Variants in R3HDM1 observed in about 807,000 individuals in gnomAD.
The protein encoded by R3HDM1 is R3H domain containing 1.
R3HDM1 carries 46 observed loss-of-function variants against 141.1 expected under a neutral mutation model. The observed-to-expected ratio is 0.33, with a 90% CI of 0.26 to 0.42. The LOEUF is 0.42. Ranked by LOEUF, R3HDM1 falls within the 10% of genes least tolerant of loss-of-function variation. R3HDM1 has a pLI of 1.00. For missense variants in R3HDM1, 1,184 were observed against 1,368.3 expected (o/e 0.87, Z 2.12); for synonymous variants, 435 against 472.9 (o/e 0.92, Z 1.04).
intron 21 of R3HDM1, among the ~76,000 whole-genome samples, chr2:135,708,446 A>G (rs1473335623): frequency 4.6e-5 from 7 of 152,220 alleles, no homozygotes; most frequent in Non-Finnish European, 1.0e-4. Context: ...TACGAGACAC[A>G]GGTGCAAAAA....
chr2:135,544,834 C>T (rs2104907289), intron 1 of R3HDM1, among the ~76,000 whole-genome samples: 1 of 152,144 alleles, frequency 6.6e-6, no homozygotes, highest in Middle Eastern at 3.4e-3. Context: ...CATGGTGGTG[C>T]ACTCCTGTTA....
intron 1 of R3HDM1, chr2:135,536,838 G>A: frequency 2.1e-6 from 1 of 476,780 alleles, no homozygotes; most frequent in Non-Finnish European, 2.7e-6. Context: ...CAGATCAGCG[G>A]TGGCATTAGA....
chr2:135,598,790 G>A (rs549044099), intron 1 of R3HDM1, among the ~76,000 whole-genome samples: 1 of 152,238 alleles, frequency 6.6e-6, no homozygotes, highest in South Asian at 2.1e-4. Flanking sequence ...GATGGTAGTT[G>A]TTTGTATTCT....
chr2:135,692,321 C>T (rs1488549109), intron 21 of R3HDM1, among the ~76,000 whole-genome samples: 4 of 152,182 alleles, frequency 2.6e-5, no homozygotes, highest in Admixed American at 6.5e-5. Flanking sequence ...TATGCTTGGC[C>T]GGGCACAGTG....
intron 21 of R3HDM1, among the ~76,000 whole-genome samples, chr2:135,699,229 A>G (rs554586368): frequency 1.2e-4 from 18 of 152,336 alleles, no homozygotes; most frequent in African/African-American, 4.1e-4. Flanking sequence ...AAATAGAGAC[A>G]GCCTTTGAAG....
At chr2:135,540,852 TAA>T (rs1389564488) in intron 1 of R3HDM1, among the ~76,000 whole-genome samples, 1 of 152,222 alleles carries the variant, frequency 6.6e-6, no homozygotes, top group Non-Finnish European at 1.5e-5. Flanking sequence ...ATATGAGACT[TAA>T]AAATAGAAAT....
chr2:135,690,872 T>C (rs1428523866), intron 21 of R3HDM1, among the ~76,000 whole-genome samples: 2 of 152,134 alleles, frequency 1.3e-5, no homozygotes, highest in African/African-American at 4.8e-5. Context: ...CTCACCAAAA[T>C]GAGTGATAAT....
In R3HDM1 at chr2:135,669,999, T is replaced by C. The variant is rs565818352; in HGVS notation, c.2153-5333T>C. Among the ~76,000 whole-genome samples, 3 of 151,908 alleles carry C rather than the reference T, an allele frequency of 2.0e-5. No homozygotes were observed. In the South Asian group the frequency reaches 6.2e-4, roughly 32 times the overall value. On this transcript the variant is annotated intron_variant, in intron 19 of 26. Transcript: ENST00000683871. ...ATTAAATATACAAATATTAGCTGGG[T>C]ATGCTGGCACGCACCTGTAATCCCA...
rs374940191 is a variant in R3HDM1, at chr2:135,724,105, C to A, written c.3218C>A (p.Thr1073Asn). ...HPLCCGSGDN[T>N]ANPERSKPSD... is the part of the protein sequence containing the mutation. ...CTCTGCTGTGGCAGTGGGGACAACA[C>A]TGCCAACCCTGAACGCTCTAAACCC... Residue 1073 changes from threonine (T) to asparagine (N), a missense_variant, in exon 27 of 27, where the codon ACT (threonine) becomes AAT (asparagine). By Grantham distance (65) the Thr-to-Asn change is moderately conservative. Transcript: ENST00000683871. The A allele has an allele frequency of 6.2e-7, 1 of 1,614,092 alleles. No individual in the cohort carries two copies. Among genetic ancestry groups the A allele is most frequent in the Non-Finnish European group, 8.5e-7 (1 of 1,180,046 alleles).
At chr2:135,698,189 T>G (rs951849405) in intron 21 of R3HDM1, among the ~76,000 whole-genome samples, 1 of 148,750 alleles carries the variant, frequency 6.7e-6, no homozygotes, top group African/African-American at 2.5e-5. Flanking sequence ...AGACGGAGTC[T>G]CACTCTGTCA....
chr2:135,679,953 G>A (rs1345706963), intron 20 of R3HDM1, among the ~76,000 whole-genome samples: 6 of 152,110 alleles, frequency 3.9e-5, no homozygotes, highest in African/African-American at 1.4e-4. Context: ...GGTAGCGCAT[G>A]CCTGTAGTCC....
In R3HDM1 at chr2:135,651,816, C is replaced by G; in HGVS notation, c.1812C>G (p.Phe604Leu). The change falls in exon 18 of 27, where the codon TTC becomes TTG. Residue 604 changes from phenylalanine (F) to leucine (L), a missense_variant. Coordinates refer to ENST00000683871, the MANE Select transcript of R3HDM1 (RefSeq NM_001378107.1). ...ADGSDPHAAM[F>L]QSTVVLQSPQ... The stretch of plus-strand genomic sequence containing the variant: ...GTTCTGACCCTCATGCCGCCATGTT[C>G]CAGTCCACTGTGGTTCTTCAGTCTC... 6.2e-7 allele frequency: 1 copy of G among 1,614,118 alleles called. No individual in the cohort carries two copies. The highest frequency in any genetic ancestry group is 8.5e-7 in the Non-Finnish European group (1 of 1,180,008).
At chr2:135,610,036 C>G (rs550204045) in intron 3 of R3HDM1, among the ~76,000 whole-genome samples, 118 of 151,394 alleles carry the variant, frequency 7.8e-4, no homozygotes, top group African/African-American at 2.5e-3. Context: ...AGAGTGAGAC[C>G]CTGTCTTAAA....
chr2:135,652,961 C>T (rs868665673), intron 18 of R3HDM1, among the ~76,000 whole-genome samples: 3 of 151,570 alleles, frequency 2.0e-5, no homozygotes, highest in Admixed American at 6.6e-5. Flanking sequence ...TTAGTGGTAT[C>T]CCCTTTTTAT....
intron 1 of R3HDM1, among the ~76,000 whole-genome samples, chr2:135,558,000 C>T (rs1196706113): frequency 6.6e-6 from 1 of 152,034 alleles, no homozygotes; most frequent in Non-Finnish European, 1.5e-5. Context: ...TAGAGAAGTA[C>T]GTATTTTAAG....
At chr2:135,581,370 C>A (rs1205447753) in intron 1 of R3HDM1, 1 of 984,836 alleles carries the variant, frequency 1.0e-6, no homozygotes, top group African/African-American at 1.7e-5. Flanking sequence ...TTTCACTTTA[C>A]CTTTAACGGT....
chr2:135,659,482 G>C (rs2066412388), intron 18 of R3HDM1, among the ~76,000 whole-genome samples: 1 of 151,612 alleles, frequency 6.6e-6, no homozygotes, highest in African/African-American at 2.4e-5. Context: ...CTGTCACTCA[G>C]GCTGGAGTGC....
Position 135,536,826 on chromosome 2 carries a change from G to A in R3HDM1, c.-250+5193G>A, listed in dbSNP as rs376467405. The A allele has an allele frequency of 1.2e-4, 67 of 564,840 alleles. 2 individuals are homozygous for A. The East Asian group carries it at 9.5e-3, about 80-fold the overall frequency. 35.0% of individuals were successfully genotyped at this position (564,840 alleles called of 1,614,324 possible). A position where few individuals can be genotyped will look rare whatever the true frequency, so the allele number is the denominator to read the frequency against. On this transcript the variant is annotated intron_variant, in intron 1 of 26. Transcript: ENST00000683871. ...CATCACCACCTGAGCTCTGCCTCCTGTCAGATCAGCGGTGGCATTAGATTC... is the reference window on the plus strand; with the variant it reads ...CATCACCACCTGAGCTCTGCCTCCTATCAGATCAGCGGTGGCATTAGATTC...
chr2:135,619,634 T>A, intron 5 of R3HDM1: 1 of 529,206 alleles, frequency 1.9e-6, no homozygotes, highest in Non-Finnish European at 2.4e-6. Flanking sequence ...AGCCTTGAGA[T>A]AAATAAATTG....
Sources: allele counts gnomAD v4.1 joint callset (sites outside exome capture counted in the v4.1 genomes callset), GRCh38; gene constraint gnomAD v4.1.1; transcripts MANE v1.5; gene names NCBI Gene and HGNC (gene_info 2026-07-23, HGNC 2026-07-21).